The following CTNNA2 variants were observed in gnomAD, a reference collection of about 807,000 sequenced individuals.
CTNNA2 encodes catenin alpha 2, also known as catenin alpha-2.
In CTNNA2, 42 loss-of-function variants were observed where a neutral mutation model predicts 101.0. The observed-to-expected ratio is 0.42, with a 90% CI of 0.32 to 0.54. The LOEUF (loss-of-function observed/expected upper bound fraction) is 0.54. Among genes scored for constraint, CTNNA2 ranks in the 20% least tolerant of loss-of-function variants. CTNNA2 has a pLI of 0.14. For synonymous variants in CTNNA2, 450 were observed against 456.4 expected (o/e 0.99, Z 0.18); for missense variants, 871 against 1,223.1 (o/e 0.71, Z 4.29).
At chr2:79,981,751 A>G (rs1004477419) in intron 7 of CTNNA2, among the ~76,000 whole-genome samples, 3 of 152,154 alleles carry the variant, frequency 2.0e-5, no homozygotes, top group Admixed American at 2.0e-4. Context: ...AAACTTGCCC[A>G]TTATTTATTT....
intron 7 of CTNNA2, among the ~76,000 whole-genome samples, chr2:80,382,053 A>G (rs568438667): frequency 2.3e-4 from 35 of 152,292 alleles, no homozygotes; most frequent in African/African-American, 8.2e-4. Context: ...GAATGAGTGT[A>G]TAAAGTGTAA....
At chr2:79,789,070 A>G (rs1329665263) in intron 3 of CTNNA2, among the ~76,000 whole-genome samples, 2 of 152,168 alleles carry the variant, frequency 1.3e-5, no homozygotes, top group Admixed American at 1.3e-4. Context: ...AGCCTTTTAA[A>G]TGTGTTAGCT....
chr2:80,386,194 T>TG (rs1340937110), intron 7 of CTNNA2, among the ~76,000 whole-genome samples: 1 of 152,138 alleles, frequency 6.6e-6, no homozygotes, highest in Admixed American at 6.5e-5. Flanking sequence ...GATACATCAG[T>TG]GTTTCCCTTT....
intron 7 of CTNNA2, among the ~76,000 whole-genome samples, chr2:80,376,742 G>A: frequency 6.6e-6 from 1 of 152,164 alleles, no homozygotes; most frequent in East Asian, 1.9e-4. Flanking sequence ...CCCCATCAGT[G>A]TGGGGCAGAC....
At chr2:80,293,070 G>C (rs1380714361) in intron 7 of CTNNA2, among the ~76,000 whole-genome samples, 2 of 152,196 alleles carry the variant, frequency 1.3e-5, no homozygotes, top group Non-Finnish European at 2.9e-5. Context: ...CACAGTCTCA[G>C]TTTCAGGGAA....
chr2:79,287,913 C>T (rs969626393), intron 2 of CTNNA2, among the ~76,000 whole-genome samples: 16 of 152,354 alleles, frequency 1.1e-4, no homozygotes, highest in Non-Finnish European at 1.5e-4. Flanking sequence ...CCACGGGCGT[C>T]GGACCCTCTG....
intron 4 of CTNNA2, among the ~76,000 whole-genome samples, chr2:79,407,827 C>T (rs1383622477): frequency 6.6e-6 from 1 of 152,010 alleles, no homozygotes; most frequent in Non-Finnish European, 1.5e-5. Flanking sequence ...AATCCTGCTA[C>T]CTTAAGGAAA....
chr2:79,597,692 A>G (rs1303226785), intron 1 of CTNNA2, among the ~76,000 whole-genome samples: 1 of 152,080 alleles, frequency 6.6e-6, no homozygotes, highest in Admixed American at 6.6e-5. Flanking sequence ...AGAGTTACCA[A>G]ATATCCCATC....
intron 7 of CTNNA2, among the ~76,000 whole-genome samples, chr2:80,197,716 C>T (rs758127800): frequency 6.6e-6 from 1 of 152,150 alleles, no homozygotes; most frequent in South Asian, 2.1e-4. Flanking sequence ...CAGCCTTTCT[C>T]GGTCCAGTCA....
At chr2:80,252,246 G>A (rs1239363289) in intron 7 of CTNNA2, among the ~76,000 whole-genome samples, 1 of 152,120 alleles carries the variant, frequency 6.6e-6, no homozygotes. Context: ...CTTGCACATA[G>A]TTACTGCTCA....
intron 7 of CTNNA2, among the ~76,000 whole-genome samples, chr2:80,150,221 C>T (rs1307172918): frequency 6.6e-6 from 1 of 152,112 alleles, no homozygotes; most frequent in African/African-American, 2.4e-5. Context: ...TGAGCCCAGA[C>T]TCTCTCTCTG....
At chr2:79,485,794 TC>T (rs1310846021) in intron 4 of CTNNA2, among the ~76,000 whole-genome samples, 1 of 152,228 alleles carries the variant, frequency 6.6e-6, no homozygotes, top group African/African-American at 2.4e-5. Context: ...TTCATAGATC[TC>T]TTTTCAGGTT....
chr2:79,825,839 C>A (rs538466851), intron 3 of CTNNA2, among the ~76,000 whole-genome samples: 1 of 152,130 alleles, frequency 6.6e-6, no homozygotes, highest in Admixed American at 6.5e-5. Flanking sequence ...GGAGAAGATA[C>A]AAATACTCCA....
At chr2:80,110,407 T>C (rs1303801159) in intron 7 of CTNNA2, among the ~76,000 whole-genome samples, 1 of 152,244 alleles carries the variant, frequency 6.6e-6, no homozygotes, top group Non-Finnish European at 1.5e-5. Context: ...GAGCATTGAT[T>C]TGAACTCCAA....
intron 4 of CTNNA2, among the ~76,000 whole-genome samples, chr2:79,445,321 C>G (rs1209619596): frequency 1.3e-5 from 2 of 152,080 alleles, no homozygotes; most frequent in Non-Finnish European, 2.9e-5. Flanking sequence ...GTAGAAAAAT[C>G]AAAAGTACCC....
At chr2:80,451,976 C>T (rs1683553218) in intron 9 of CTNNA2, among the ~76,000 whole-genome samples, 1 of 151,980 alleles carries the variant, frequency 6.6e-6, no homozygotes, top group Middle Eastern at 3.2e-3. Context: ...AGAAAAAAAT[C>T]CCTAAATCCA....
intron 7 of CTNNA2, among the ~76,000 whole-genome samples, chr2:80,007,347 T>C (rs866649571): frequency 1.3e-5 from 2 of 152,208 alleles, no homozygotes. Context: ...ACTTTATTAC[T>C]ACTCTAACTT....
At chr2:79,451,399 A>G (rs948325077) in intron 4 of CTNNA2, among the ~76,000 whole-genome samples, 14 of 152,106 alleles carry the variant, frequency 9.2e-5, no homozygotes, top group Non-Finnish European at 1.6e-4. Flanking sequence ...ATACATTTCA[A>G]TGTGTTATGA....
chr2:79,664,705 C>CTTTTTTT (rs67782114), intron 2 of CTNNA2, among the ~76,000 whole-genome samples: 19 of 94,990 alleles, frequency 2.0e-4, no homozygotes, highest in African/African-American at 7.8e-4. Flanking sequence ...TCACATTCTT[C>CTTTTTTT]TTTTTTTTTT....
Sources: gnomAD v4.1 joint callset for allele counts (sites outside exome capture counted in the v4.1 genomes callset) on GRCh38, gnomAD v4.1.1 for gene constraint, MANE v1.5 for transcripts, NCBI Gene and HGNC (gene_info 2026-07-23, HGNC 2026-07-21) for gene names.